Variants in RPH3A observed in about 807,000 individuals in gnomAD.
RPH3A encodes rabphilin 3A, also known as rabphilin-3A.
Under a neutral mutation model 102.2 loss-of-function variants are expected in RPH3A, and 48 were observed. The observed-to-expected ratio is 0.47, with a 90% CI of 0.37 to 0.60. The LOEUF (loss-of-function observed/expected upper bound fraction) is 0.60. Among genes scored for constraint, RPH3A ranks in the 20% least tolerant of loss-of-function variants. RPH3A has a pLI of 0.00. For synonymous variants in RPH3A, 310 were observed against 324.3 expected, an observed-to-expected ratio of 0.96 and a Z score of 0.47; for missense variants, 781 against 910.1, an observed-to-expected ratio of 0.86 and a Z score of 1.83.
intron 1 of RPH3A, among the ~76,000 whole-genome samples, chr12:112,620,876 C>T (rs900734787): frequency 5.9e-5 from 9 of 152,140 alleles, no homozygotes; most frequent in Non-Finnish European, 1.2e-4. Context: ...ACATTTAAGC[C>T]ATATATAGAA....
At chr12:112,676,935 C>T (rs1452605498) in intron 1 of RPH3A, among the ~76,000 whole-genome samples, 3 of 152,178 alleles carry the variant, frequency 2.0e-5, no homozygotes, top group South Asian at 2.1e-4. Flanking sequence ...TTCTGCCTTG[C>T]TAACGATAAA....
At chr12:112,882,073 G>A (rs2042923887) in intron 15 of RPH3A, among the ~76,000 whole-genome samples, 1 of 152,122 alleles carries the variant, frequency 6.6e-6, no homozygotes, top group Non-Finnish European at 1.5e-5. Context: ...CTGGGATCTG[G>A]GCAGCTGCCA....
At chr12:112,895,913 C>T (rs2043172046) in intron 21 of RPH3A, 40 bp downstream of exon 21, 8 of 1,387,994 alleles carry the variant, frequency 5.8e-6, no homozygotes, top group Non-Finnish European at 7.2e-6. Flanking sequence ...CCTCTTCTGT[C>T]CTCCCCAGAA....
At chr12:112,840,757 A>C (rs2136176911) in intron 4 of RPH3A, among the ~76,000 whole-genome samples, 1 of 152,254 alleles carries the variant, frequency 6.6e-6, no homozygotes, top group East Asian at 1.9e-4. Context: ...CTAAAATAAT[A>C]ATAGGTGTAT....
intron 4 of RPH3A, among the ~76,000 whole-genome samples, chr12:112,843,038 A>G (rs1476233174): frequency 1.3e-5 from 2 of 152,150 alleles, no homozygotes; most frequent in Non-Finnish European, 2.9e-5. Flanking sequence ...ATTGGATACA[A>G]TTCTCTAACT....
intron 1 of RPH3A, among the ~76,000 whole-genome samples, chr12:112,578,926 A>C (rs1248073537): frequency 6.6e-6 from 1 of 152,218 alleles, no homozygotes. Context: ...GAAGTTGGAA[A>C]TCAGATTTTT....
intron 1 of RPH3A, among the ~76,000 whole-genome samples, chr12:112,635,069 T>A (rs1452838127): frequency 6.6e-6 from 1 of 152,178 alleles, no homozygotes; most frequent in Non-Finnish European, 1.5e-5. Flanking sequence ...AATAATACAG[T>A]AGGTCAGGGC....
Position 112,887,829 on chromosome 12 carries a change from A to C in RPH3A, c.1469A>C (p.His490Pro). ...GTCTGTGATGAGGACAAATTTGGCC[A>C]CAATGAATTTATTGGTGAGACCAGA... is the stretch of plus-strand genomic sequence containing the variant. ...ISVCDEDKFG[H>P]NEFIGETRFS... Residue 490 changes from histidine (H) to proline (P), a missense_variant, in exon 17 of 22, where the codon CAC (histidine) becomes CCC (proline). Transcript: ENST00000389385. 1.2e-6 allele frequency: 2 copies of C among 1,613,950 alleles called. No individual in the cohort carries two copies. Among genetic ancestry groups the C allele is most frequent in the Non-Finnish European group, 1.7e-6 (2 of 1,179,842 alleles).
chr12:112,761,121 T>A (rs2040852470), intron 1 of RPH3A, among the ~76,000 whole-genome samples: 1 of 152,178 alleles, frequency 6.6e-6, no homozygotes, highest in Non-Finnish European at 1.5e-5. Context: ...GACACTTATA[T>A]GCCCTGTGAA....
At chr12:112,647,278 C>T (rs1163347797) in intron 1 of RPH3A, among the ~76,000 whole-genome samples, 2 of 152,186 alleles carry the variant, frequency 1.3e-5, no homozygotes, top group Non-Finnish European at 2.9e-5. Flanking sequence ...TGGAGCCAGA[C>T]TGTATATTTG....
At chr12:112,847,090 G>A (rs1342600172) in intron 4 of RPH3A, among the ~76,000 whole-genome samples, 3 of 152,178 alleles carry the variant, frequency 2.0e-5, no homozygotes, top group Non-Finnish European at 4.4e-5. Flanking sequence ...ATAAGCTGAG[G>A]CGGGCACACA....
chr12:112,734,415 C>T (rs896572665), intron 1 of RPH3A, among the ~76,000 whole-genome samples: 3 of 152,162 alleles, frequency 2.0e-5, no homozygotes, highest in African/African-American at 7.2e-5. Context: ...GAACATATTC[C>T]CATCATTACG....
At chr12:112,580,024 C>T (rs1044955868) in intron 1 of RPH3A, among the ~76,000 whole-genome samples, 4 of 152,154 alleles carry the variant, frequency 2.6e-5, no homozygotes, top group Non-Finnish European at 1.5e-5. Context: ...TACAAGAAGT[C>T]TCTACTATAG....
chr12:112,843,359 A>T (rs1428905550), intron 4 of RPH3A, among the ~76,000 whole-genome samples: 1 of 152,192 alleles, frequency 6.6e-6, no homozygotes, highest in Non-Finnish European at 1.5e-5. Flanking sequence ...CGACATTTTC[A>T]AACACGATGA....
At chr12:112,713,091 CTTCTTCTTCTT>C (rs1565857606) in intron 1 of RPH3A, among the ~76,000 whole-genome samples, 2 of 117,972 alleles carry the variant, frequency 1.7e-5, no homozygotes, top group South Asian at 3.0e-4. Context: ...TCTTCTTCTT[CTTCTTCTTCTT>C]TTATTTTTTT....
At chr12:112,827,412 G>A (rs929599689) in intron 2 of RPH3A, among the ~76,000 whole-genome samples, 2 of 152,184 alleles carry the variant, frequency 1.3e-5, no homozygotes, top group Non-Finnish European at 2.9e-5. Context: ...GCAGAATAAT[G>A]CTACATGGAT....
chr12:112,812,821 G>A (rs939407961), intron 2 of RPH3A, among the ~76,000 whole-genome samples: 1 of 152,160 alleles, frequency 6.6e-6, no homozygotes, highest in African/African-American at 2.4e-5. Flanking sequence ...TACAGCTCTG[G>A]CCTTCTGATT....
At chr12:112,824,294 T>G (rs557221893) in intron 2 of RPH3A, among the ~76,000 whole-genome samples, 1 of 152,176 alleles carries the variant, frequency 6.6e-6, no homozygotes, top group Non-Finnish European at 1.5e-5. Context: ...GCCATTGGCT[T>G]TGTGCTGCTC....
chr12:112,678,333 G>A (rs1358718011), intron 1 of RPH3A, among the ~76,000 whole-genome samples: 1 of 132,830 alleles, frequency 7.5e-6, no homozygotes, highest in Admixed American at 7.4e-5. Flanking sequence ...AAGAAAGAAG[G>A]AAGGAAGGAA....
Sources: gnomAD v4.1 joint callset for allele counts (sites outside exome capture counted in the v4.1 genomes callset) on GRCh38, gnomAD v4.1.1 for gene constraint, MANE v1.5 for transcripts, NCBI Gene and HGNC (gene_info 2026-07-23, HGNC 2026-07-21) for gene names.